Variants in LIPC observed in about 807,000 individuals in gnomAD.
The protein encoded by LIPC is hepatic triacylglycerol lipase.
A neutral mutation model predicts 50.7 loss-of-function variants in LIPC; 44 were observed. The ratio of observed to expected loss-of-function variants is 0.87; its 90% CI spans 0.68 to 1.11. The LOEUF (loss-of-function observed/expected upper bound fraction) is 1.11. Among genes scored for constraint, LIPC ranks in the 50% most tolerant of loss-of-function variants. LIPC has a pLI of 0.00. For missense variants in LIPC, 697 were observed against 648.2 expected (o/e 1.08, Z -0.82); for synonymous variants, 271 against 256.4 (o/e 1.06, Z -0.54).
Position 58,432,121 on chromosome 15 carries a change from G to T in LIPC, c.88+1G>T. The T allele has an allele frequency of 6.2e-7, 1 of 1,607,686 alleles. No individual in the cohort carries two copies. Among genetic ancestry groups the T allele is most frequent in the Non-Finnish European group, 8.5e-7 (1 of 1,174,226 alleles). On this transcript the variant is annotated splice_donor_variant, in intron 1 of 8. Coordinates refer to ENST00000299022, the MANE Select transcript of LIPC (RefSeq NM_000236.3). LOFTEE classifies it high-confidence loss of function. ...GCCCTTGGACAAAGCCTGAAACCAGGTAAGAGCCTGACTTTTCTCCAGAGA... is the reference window on the plus strand; with the variant it reads ...GCCCTTGGACAAAGCCTGAAACCAGTTAAGAGCCTGACTTTTCTCCAGAGA...
At chr15:58,514,472 T>A (rs931615718) in intron 1 of LIPC, among the ~76,000 whole-genome samples, 1 of 152,200 alleles carries the variant, frequency 6.6e-6, no homozygotes, top group East Asian at 1.9e-4. Flanking sequence ...TTAATGCTAT[T>A]TGATTGAAAG....
intron 1 of LIPC, among the ~76,000 whole-genome samples, chr15:58,533,631 T>C (rs528482856): frequency 1.3e-5 from 2 of 152,170 alleles, no homozygotes; most frequent in African/African-American, 4.8e-5. Flanking sequence ...TTTTGAAGAA[T>C]TTTTGATGCT....
At chr15:58,477,163 T>C (rs752099917) in intron 1 of LIPC, among the ~76,000 whole-genome samples, 6 of 152,240 alleles carry the variant, frequency 3.9e-5, no homozygotes, top group Non-Finnish European at 7.3e-5. Context: ...GTTGTCTGTA[T>C]GTAGACTTTC....
chr15:58,501,661 A>G (rs1303962501), intron 1 of LIPC, among the ~76,000 whole-genome samples: 1 of 152,158 alleles, frequency 6.6e-6, no homozygotes, highest in East Asian at 1.9e-4. Flanking sequence ...CTTGCCGTGA[A>G]TATATTTACC....
rs1464158368 is a variant in LIPC at position 58,552,387 on chromosome 15, C to G, written c.1051+3815C>G. On this transcript the variant is annotated intron_variant, in intron 6 of 8. Transcript: ENST00000299022. Reference sequence around the variant, plus strand: ...CTCCTTTTACTGCACTTGGCCTCGGCGTAGGACCAAGGCCCTCGACTGAGT... The same window carrying G: ...CTCCTTTTACTGCACTTGGCCTCGGGGTAGGACCAAGGCCCTCGACTGAGT... Among the ~76,000 whole-genome samples, 16 of 152,340 alleles carry G rather than the reference C, an allele frequency of 1.1e-4. No homozygotes were observed. In the East Asian group the frequency reaches 3.1e-3, roughly 29 times the overall value.
At chr15:58,473,358 C>A (rs1297504069) in intron 1 of LIPC, among the ~76,000 whole-genome samples, 5 of 152,108 alleles carry the variant, frequency 3.3e-5, no homozygotes, top group African/African-American at 1.2e-4. Context: ...GTGTGAGAAG[C>A]CCTCGTGGTG....
At chr15:58,551,305 G>A (rs986729057) in intron 6 of LIPC, among the ~76,000 whole-genome samples, 1 of 152,162 alleles carries the variant, frequency 6.6e-6, no homozygotes, top group African/African-American at 2.4e-5. Context: ...GCACTCATGC[G>A]AGACTCGCCT....
intron 1 of LIPC, among the ~76,000 whole-genome samples, chr15:58,469,465 G>A (rs1894703526): frequency 6.6e-6 from 1 of 152,118 alleles, no homozygotes; most frequent in Non-Finnish European, 1.5e-5. Context: ...GATTTGGCTT[G>A]GGCTCAAAGC....
At chr15:58,517,183 G>A (rs1892510422) in intron 1 of LIPC, among the ~76,000 whole-genome samples, 1 of 152,188 alleles carries the variant, frequency 6.6e-6, no homozygotes, top group Non-Finnish European at 1.5e-5. Flanking sequence ...ACTGTTAACT[G>A]CCTCACCTCA....
intron 1 of LIPC, among the ~76,000 whole-genome samples, chr15:58,466,546 G>A (rs1261632922): frequency 6.6e-6 from 1 of 152,084 alleles, no homozygotes; most frequent in Non-Finnish European, 1.5e-5. Flanking sequence ...TTAAACACTT[G>A]GTTAGCCATC....
At chr15:58,568,276 A>G (rs1447558039) in intron 8 of LIPC, among the ~76,000 whole-genome samples, 1 of 152,230 alleles carries the variant, frequency 6.6e-6, no homozygotes, top group African/African-American at 2.4e-5. Context: ...AAGGACCTTT[A>G]AGAACAGCAT....
At chr15:58,501,316 C>T (rs1295479766) in intron 1 of LIPC, among the ~76,000 whole-genome samples, 1 of 150,332 alleles carries the variant, frequency 6.7e-6, no homozygotes, top group African/African-American at 2.4e-5. Flanking sequence ...CACCTACTCC[C>T]AATGTGATCA....
At chr15:58,481,474 A>T (rs1891186863) in intron 1 of LIPC, among the ~76,000 whole-genome samples, 1 of 152,184 alleles carries the variant, frequency 6.6e-6, no homozygotes. Flanking sequence ...ATAAATCAGG[A>T]TATATCCATG....
At chr15:58,561,281 T>C (rs1429294951) in intron 7 of LIPC, among the ~76,000 whole-genome samples, 2 of 152,200 alleles carry the variant, frequency 1.3e-5, no homozygotes, top group Non-Finnish European at 2.9e-5. Flanking sequence ...AGATGTACAC[T>C]GGTTTGGTCC....
chr15:58,443,839 A>G (rs570913142), intron 1 of LIPC, among the ~76,000 whole-genome samples: 19 of 152,202 alleles, frequency 1.2e-4, no homozygotes, highest in Admixed American at 3.9e-4. Context: ...AGTTTGGAGC[A>G]ATGTTTTGCG....
At chr15:58,493,225 G>A (rs927726673) in intron 1 of LIPC, among the ~76,000 whole-genome samples, 2 of 152,188 alleles carry the variant, frequency 1.3e-5, no homozygotes, top group African/African-American at 4.8e-5. Context: ...CTAGCAAGGC[G>A]AGGAGGTTCT....
chr15:58,466,660 G>T (rs1894575546), intron 1 of LIPC, among the ~76,000 whole-genome samples: 1 of 152,102 alleles, frequency 6.6e-6, no homozygotes, highest in Non-Finnish European at 1.5e-5. Context: ...ATGTTGTTTG[G>T]GCTACTTTTC....
At chr15:58,556,011 C>A (rs1352490136) in intron 6 of LIPC, among the ~76,000 whole-genome samples, 2 of 152,182 alleles carry the variant, frequency 1.3e-5, no homozygotes, top group Non-Finnish European at 2.9e-5. Context: ...GGGCTCAGAG[C>A]TGAGCAGTGG....
chr15:58,458,669 T>G (rs778533312), intron 1 of LIPC, among the ~76,000 whole-genome samples: 1 of 152,122 alleles, frequency 6.6e-6, no homozygotes, highest in Non-Finnish European at 1.5e-5. Context: ...ATGGTTTCTT[T>G]CCCCATCAGA....
Sources: allele counts gnomAD v4.1 joint callset (sites outside exome capture counted in the v4.1 genomes callset), GRCh38; gene constraint gnomAD v4.1.1; transcripts MANE v1.5; gene names NCBI Gene and HGNC (gene_info 2026-07-23, HGNC 2026-07-21).